Variants in ASB7 observed in about 807,000 individuals in gnomAD.
ASB7 encodes ankyrin repeat and SOCS box protein 7.
A neutral mutation model predicts 32.5 loss-of-function variants in ASB7; 4 were observed. The observed-to-expected ratio is 0.12, with a 90% CI of 0.06 to 0.28. The LOEUF (loss-of-function observed/expected upper bound fraction) is 0.28. Among genes scored for constraint, ASB7 ranks in the 10% least tolerant of loss-of-function variants. The probability of loss-of-function intolerance (pLI) is 1.00; values close to 1 mark genes in which losing one functional copy is unlikely to be tolerated. For missense variants in ASB7, 181 were observed against 407.1 expected (o/e 0.44, Z 4.78); for synonymous variants, 172 against 155.6 (o/e 1.11, Z -0.78).
chr15:100,645,915 A>G, intron 5 of ASB7: 1 of 657,438 alleles, frequency 1.5e-6, no homozygotes. Flanking sequence ...CCTTGTGGCC[A>G]GAGAAGGTCA....
intron 5 of ASB7, among the ~76,000 whole-genome samples, chr15:100,633,798 C>T (rs1450225832): frequency 6.6e-6 from 1 of 152,096 alleles, no homozygotes; most frequent in African/African-American, 2.4e-5. Flanking sequence ...TAGGTTGAGG[C>T]AAGTGAAGTG....
chr15:100,629,418 A>G lies in ASB7; in HGVS notation c.212-19A>G. 2 of 1,585,844 alleles carry G rather than the reference A, an allele frequency of 1.3e-6. No individual in the cohort carries two copies. The highest frequency in any genetic ancestry group is 1.7e-6 in the Non-Finnish European group (2 of 1,160,144). On this transcript the variant is annotated intron_variant, in intron 4 of 5. Transcript: ENST00000332783. This position sits in a 1 kb window ranked among gnomAD's most constrained non-coding sequence, Gnocchi z 6.8. ...TGTCTTGGAGTCTGCTAATACTTTCATTTTGGTTTTAACTCCAGCTGATCC... is the reference window on the plus strand; with the variant it reads ...TGTCTTGGAGTCTGCTAATACTTTCGTTTTGGTTTTAACTCCAGCTGATCC...
intron 2 of ASB7, among the ~76,000 whole-genome samples, chr15:100,608,865 C>G (rs1323995435): frequency 2.6e-5 from 4 of 152,120 alleles, no homozygotes; most frequent in African/African-American, 4.8e-5. Flanking sequence ...GGTGTGCAGC[C>G]AGCAGGACAT....
chr15:100,628,289 G>T (rs981046120), intron 4 of ASB7, among the ~76,000 whole-genome samples: 3 of 152,158 alleles, frequency 2.0e-5, no homozygotes, highest in African/African-American at 7.2e-5. Flanking sequence ...TTCTGCCTCA[G>T]ATTTTTCTAA....
At chr15:100,611,609 A>G (rs547396641) in intron 3 of ASB7, among the ~76,000 whole-genome samples, 1 of 149,466 alleles carries the variant, frequency 6.7e-6, no homozygotes, top group East Asian at 2.0e-4. Context: ...CCACCCAAAT[A>G]GCTGGGATTA....
chr15:100,633,418 A>C (rs2039898834), intron 5 of ASB7, among the ~76,000 whole-genome samples: 2 of 152,076 alleles, frequency 1.3e-5, no homozygotes, highest in South Asian at 4.1e-4. Flanking sequence ...CTCTACTAAA[A>C]ATACAAAAAT....
intron 4 of ASB7, among the ~76,000 whole-genome samples, chr15:100,617,624 C>T (rs1282426180): frequency 6.6e-6 from 1 of 152,220 alleles, no homozygotes; most frequent in African/African-American, 2.4e-5. Context: ...TATATCCCTG[C>T]TATGTGATAC....
Position 100,629,456 on chromosome 15 carries a change from C to T in ASB7, c.231C>T (p.Asp77=). 12 of 1,612,562 alleles carry T rather than the reference C, an allele frequency of 7.4e-6. No homozygotes were observed. Among genetic ancestry groups the T allele is most frequent in the Non-Finnish European group, 1.0e-5 (12 of 1,178,736 alleles). Residue 77 remains aspartate, a synonymous_variant, in exon 5 of 6, where the codon GAC becomes GAT. Transcript: ENST00000332783. This position sits in a 1 kb window ranked among gnomAD's most constrained non-coding sequence, Gnocchi z 6.8. ...LEHGADPTVK[D]LIGGFTALHY... ...CTCCAGCTGATCCTACAGTTAAAGA[C>T]TTAATCGGAGGCTTCACGGCTCTTC...
At chr15:100,611,540 C>A (rs1256245983) in intron 3 of ASB7, among the ~76,000 whole-genome samples, 4 of 123,226 alleles carry the variant, frequency 3.2e-5, no homozygotes, top group African/African-American at 1.2e-4. Flanking sequence ...AGTGCAGTGG[C>A]GCAATCTCAG....
chr15:100,626,333 T>C (rs998043396), intron 4 of ASB7, among the ~76,000 whole-genome samples: 6 of 152,112 alleles, frequency 3.9e-5, no homozygotes, highest in South Asian at 4.1e-4. Flanking sequence ...AACAGACAAT[T>C]CACAAAACAG....
chr15:100,637,619 CAG>C lies in ASB7; in HGVS notation c.817+7580_817+7581del, dbSNP rs200826750. ...GGTGAACCAATGGATTTTAATGTAACAGAGTACGAAAGTTCATCAGTTTGGTT... is the reference window on the plus strand; with the variant it reads ...GGTGAACCAATGGATTTTAATGTAACAGTACGAAAGTTCATCAGTTTGGTT... On this transcript the variant is annotated intron_variant, in intron 5 of 5. Transcript: ENST00000332783. 6.8e-3 allele frequency among the ~76,000 whole-genome samples: 1,032 copies of C among 152,290 alleles called. 14 individuals carry two copies. Among genetic ancestry groups the C allele is most frequent in the African/African-American group, 0.024 (985 of 41,556 alleles).
At chr15:100,639,387 G>T (rs1008129769) in intron 5 of ASB7, among the ~76,000 whole-genome samples, 2 of 152,138 alleles carry the variant, frequency 1.3e-5, no homozygotes, top group East Asian at 1.9e-4. Flanking sequence ...TAAAGGCAGC[G>T]TTTCAAACTT....
At chr15:100,606,217 C>T (rs1323659889) in intron 2 of ASB7, among the ~76,000 whole-genome samples, 5 of 151,546 alleles carry the variant, frequency 3.3e-5, no homozygotes, top group African/African-American at 9.7e-5. Flanking sequence ...GACCCAATGT[C>T]GTCGGAGTTG....
Position 100,602,837 on chromosome 15 carries a change from T to G in ASB7, c.-482T>G, listed in dbSNP as rs944748195. The G allele has an allele frequency of 2.6e-6, 1 of 390,008 alleles. No homozygotes were observed. Among genetic ancestry groups the G allele is most frequent in the African/African-American group, 2.1e-5 (1 of 48,270 alleles). 24.2% of individuals were successfully genotyped at this position (390,008 alleles called of 1,614,324 possible). On this transcript the variant is annotated 5_prime_UTR_variant, in exon 1 of 6. Coordinates refer to ENST00000332783, the MANE Select transcript of ASB7 (RefSeq NM_198243.3). Reference sequence around the variant, plus strand: ...AGCCAGGACTTCCTCCCTGCCTCCCTGCACCTCTGCCCCAAGGCTGCCCGG... The same window carrying G: ...AGCCAGGACTTCCTCCCTGCCTCCCGGCACCTCTGCCCCAAGGCTGCCCGG...
At chr15:100,603,171 C>G in intron 1 of ASB7, 44 bp from the exon 2 acceptor site, 1 of 394,246 alleles carries the variant, frequency 2.5e-6, no homozygotes, top group South Asian at 1.4e-4. Context: ...CCCCCCTCCC[C>G]ACCTCTGAGA....
At chr15:100,625,256 C>A (rs548007426) in intron 4 of ASB7, among the ~76,000 whole-genome samples, 2 of 152,242 alleles carry the variant, frequency 1.3e-5, no homozygotes, top group East Asian at 3.9e-4. Flanking sequence ...GAGCAGTAAT[C>A]AAGGGTCATG....
At chr15:100,637,424 A>G (rs958309096) in intron 5 of ASB7, among the ~76,000 whole-genome samples, 8 of 152,264 alleles carry the variant, frequency 5.3e-5, no homozygotes, top group African/African-American at 1.9e-4. Context: ...TAGTATCTAG[A>G]GACTTCTTCA....
At chr15:100,613,450 A>G (rs1043651701) in intron 4 of ASB7, among the ~76,000 whole-genome samples, 1 of 152,254 alleles carries the variant, frequency 6.6e-6, no homozygotes, top group African/African-American at 2.4e-5. Flanking sequence ...GGGCCCTGAA[A>G]TGGGAACTAT....
chr15:100,619,737 T>A (rs2039774892), intron 4 of ASB7, among the ~76,000 whole-genome samples: 1 of 152,154 alleles, frequency 6.6e-6, no homozygotes, highest in Admixed American at 6.5e-5. Context: ...CTAGCCAAAA[T>A]CAGAGTAAGA....
Sources: gnomAD v4.1 joint callset for allele counts (sites outside exome capture counted in the v4.1 genomes callset) on GRCh38, gnomAD v4.1.1 for gene constraint, Gnocchi (gnomAD v3.1) non-coding constraint, MANE v1.5 for transcripts, NCBI Gene and HGNC (gene_info 2026-07-23, HGNC 2026-07-21) for gene names.